Variants in SAMTOR observed in about 807,000 individuals in gnomAD.
SAMTOR encodes the protein S-adenosylmethionine sensor upstream of mTORC1.
the SAMTOR span, among the ~76,000 whole-genome samples, chr7:112,823,266 G>T: frequency 6.6e-6 from 1 of 152,066 alleles, no homozygotes; most frequent in Non-Finnish European, 1.5e-5. Context: ...CTTTATTGAT[G>T]TATAAGTGAC....
At chr7:112,863,745 C>T in the SAMTOR span, among the ~76,000 whole-genome samples, 1 of 151,926 alleles carries the variant, frequency 6.6e-6, no homozygotes, top group Non-Finnish European at 1.5e-5. Flanking sequence ...TCACGTCGGT[C>T]AGATGTCAAA....
chr7:112,857,954 GATGTC>G, the SAMTOR span, among the ~76,000 whole-genome samples: 1 of 152,172 alleles, frequency 6.6e-6, no homozygotes, highest in Non-Finnish European at 1.5e-5. Context: ...AGGTCAGGGA[GATGTC>G]CCCTGGGATG....
At chr7:112,882,766 T>TTAAAA in the SAMTOR span, among the ~76,000 whole-genome samples, 4 of 120,652 alleles carry the variant, frequency 3.3e-5, no homozygotes, top group Non-Finnish European at 5.3e-5. Flanking sequence ...CATCTTTTTT[T>TTAAAA]AAAAAAAAAA....
At chr7:112,916,556 G>T in the SAMTOR span, among the ~76,000 whole-genome samples, 2 of 152,168 alleles carry the variant, frequency 1.3e-5, no homozygotes, top group Non-Finnish European at 2.9e-5. Context: ...CTGAGGTACC[G>T]GGTTCATCTC....
the SAMTOR span, among the ~76,000 whole-genome samples, chr7:112,900,816 T>C: frequency 4.6e-5 from 7 of 152,184 alleles, no homozygotes; most frequent in Admixed American, 6.5e-5. Context: ...CAAGTCATGC[T>C]AGAACTAGAC....
chr7:112,884,002 T>C, the SAMTOR span, among the ~76,000 whole-genome samples: 2 of 152,218 alleles, frequency 1.3e-5, no homozygotes, highest in Admixed American at 1.3e-4. Flanking sequence ...AACACAATCA[T>C]AGCAGAAGGA....
At chr7:112,847,133 A>C in the SAMTOR span, among the ~76,000 whole-genome samples, 1 of 152,202 alleles carries the variant, frequency 6.6e-6, no homozygotes, top group African/African-American at 2.4e-5. Context: ...TCCAGCACTA[A>C]TCCTTATGCA....
At chr7:112,898,362 T>TC in the SAMTOR span, among the ~76,000 whole-genome samples, 1 of 152,112 alleles carries the variant, frequency 6.6e-6, no homozygotes, top group African/African-American at 2.4e-5. Flanking sequence ...CCATCACCCC[T>TC]CCCCTCATTC....
the SAMTOR span, among the ~76,000 whole-genome samples, chr7:112,825,972 G>A: frequency 1.4e-3 from 210 of 151,666 alleles, 4 homozygotes; most frequent in Admixed American, 9.7e-3. Flanking sequence ...GAGTTCATAC[G>A]ATAGATTGTT....
chr7:112,862,603 A>G, the SAMTOR span, among the ~76,000 whole-genome samples: 295 of 152,308 alleles, frequency 1.9e-3, no homozygotes, highest in Admixed American at 5.1e-3. Context: ...TCCTTGGGCC[A>G]GTTATTAAGT....
chr7:112,884,311 T>C, the SAMTOR span, among the ~76,000 whole-genome samples: 1 of 152,200 alleles, frequency 6.6e-6, no homozygotes, highest in African/African-American at 2.4e-5. Context: ...GACACCATCA[T>C]GCCTTCCCTA....
chr7:112,933,089 A>C, the SAMTOR span, among the ~76,000 whole-genome samples: 1 of 152,210 alleles, frequency 6.6e-6, no homozygotes, highest in African/African-American at 2.4e-5. Context: ...TACCCTGAAG[A>C]CATAAAGACA....
chr7:112,889,851 A>C, the SAMTOR span, among the ~76,000 whole-genome samples: 1 of 152,180 alleles, frequency 6.6e-6, no homozygotes, highest in Admixed American at 6.5e-5. Flanking sequence ...CCTCCAGGAC[A>C]GGACTCGTTA....
At chr7:112,835,671 T>C in the SAMTOR span, among the ~76,000 whole-genome samples, 1 of 152,094 alleles carries the variant, frequency 6.6e-6, no homozygotes, top group African/African-American at 2.4e-5. Context: ...GTGTATGTTG[T>C]TTCCCTCTTT....
chr7:112,902,448 A>AAAAAAAAAAAAAAC, the SAMTOR span, among the ~76,000 whole-genome samples: 3 of 120,344 alleles, frequency 2.5e-5, no homozygotes, highest in African/African-American at 9.8e-5. Context: ...ACAAAAAAAA[A>AAAAAAAAAAAAAAC]CAAAAAAAAA....
the SAMTOR span, among the ~76,000 whole-genome samples, chr7:112,883,837 T>C: frequency 6.6e-6 from 1 of 152,240 alleles, no homozygotes; most frequent in Non-Finnish European, 1.5e-5. Context: ...CTTTTCCTTG[T>C]TGTATTTTAT....
At chr7:112,939,437 G>C in the SAMTOR span, 36 of 1,181,650 alleles carry the variant, frequency 3.0e-5, no homozygotes, top group Non-Finnish European at 4.0e-5. Context: ...TGCCGACTAG[G>C]GGGCTCAGAC....
the SAMTOR span, among the ~76,000 whole-genome samples, chr7:112,865,704 T>C: frequency 7.0e-6 from 1 of 143,196 alleles, no homozygotes; most frequent in Non-Finnish European, 1.5e-5. Flanking sequence ...TATACATATA[T>C]TCATATATAT....
At chr7:112,870,365 G>A in the SAMTOR span, among the ~76,000 whole-genome samples, 2 of 152,120 alleles carry the variant, frequency 1.3e-5, no homozygotes, top group Non-Finnish European at 2.9e-5. Context: ...AAGAGATTGG[G>A]CTCCCGCTCC....
Sources: allele counts gnomAD v4.1 joint callset (sites outside exome capture counted in the v4.1 genomes callset), GRCh38; gene constraint gnomAD v4.1.1; transcripts MANE v1.5; gene names NCBI Gene and HGNC (gene_info 2026-07-23, HGNC 2026-07-21).